The following PCDHA3 variants were observed in gnomAD, a reference collection of about 807,000 sequenced individuals.
The protein encoded by PCDHA3 is protocadherin alpha 3.
A neutral mutation model predicts 62.2 loss-of-function variants in PCDHA3; 41 were observed. The ratio of observed to expected loss-of-function variants is 0.66; its 90% CI spans 0.51 to 0.86. The LOEUF is 0.86. Ranked by LOEUF, PCDHA3 falls within the 40% of genes least tolerant of loss-of-function variation. PCDHA3 has a pLI of 0.00. For missense variants in PCDHA3, 1,304 were observed against 1,241.2 expected (o/e 1.05, Z -0.76); for synonymous variants, 640 against 555.4 (o/e 1.15, Z -2.14).
At chr5:140,998,055 T>C (rs2097794971) in intron 3 of PCDHA3, among the ~76,000 whole-genome samples, 1 of 152,190 alleles carries the variant, frequency 6.6e-6, no homozygotes, top group Non-Finnish European at 1.5e-5. Flanking sequence ...AGTGACATCA[T>C]CATCAACAGA....
chr5:140,998,594 T>A (rs1396456161), intron 3 of PCDHA3, among the ~76,000 whole-genome samples: 4 of 152,076 alleles, frequency 2.6e-5, no homozygotes, highest in Non-Finnish European at 5.9e-5. Context: ...GACAGAGTTT[T>A]GCTCTTGTTG....
chr5:140,980,412 A>G (rs1264059417), intron 2 of PCDHA3, among the ~76,000 whole-genome samples: 4 of 152,302 alleles, frequency 2.6e-5, no homozygotes, highest in Non-Finnish European at 5.9e-5. Flanking sequence ...TGGGCAGATC[A>G]TGAGGTCAAG....
chr5:140,822,270 A>C (rs2150115049), intron 1 of PCDHA3: 1 of 1,614,138 alleles, frequency 6.2e-7, no homozygotes, highest in Non-Finnish European at 8.5e-7. Flanking sequence ...GAGCAAATGC[A>C]CAATTGAGAT....
At chr5:140,843,896 T>C in intron 1 of PCDHA3, 2 of 663,756 alleles carry the variant, frequency 3.0e-6, no homozygotes, top group East Asian at 5.6e-5. Context: ...TATTAATCAT[T>C]CTCCACAAGT....
chr5:140,824,033 G>A, intron 1 of PCDHA3: 2 of 1,614,182 alleles, frequency 1.2e-6, no homozygotes, highest in Non-Finnish European at 1.7e-6. Context: ...TCGCAGCAGA[G>A]GAGACAGAGG....
chr5:140,970,018 C>G (rs1383957568), intron 1 of PCDHA3, among the ~76,000 whole-genome samples: 9 of 151,942 alleles, frequency 5.9e-5, no homozygotes, highest in African/African-American at 2.2e-4. Context: ...GATGGTGAGG[C>G]AGAGAGATTA....
intron 1 of PCDHA3, among the ~76,000 whole-genome samples, chr5:140,924,421 A>G (rs2081827627): frequency 6.6e-6 from 1 of 152,172 alleles, no homozygotes; most frequent in Non-Finnish European, 1.5e-5. Flanking sequence ...TGCCCTTTCT[A>G]GTTCCCTAGA....
chr5:140,828,007 A>G, intron 1 of PCDHA3: 1 of 1,504,268 alleles, frequency 6.6e-7, no homozygotes, highest in Non-Finnish European at 8.9e-7. Flanking sequence ...ACGCAGAAGA[A>G]ATGGATTAAT....
At chr5:140,828,851 A>T in intron 1 of PCDHA3, 1 of 1,614,240 alleles carries the variant, frequency 6.2e-7, no homozygotes, top group South Asian at 1.1e-5. Context: ...AATATTCGAA[A>T]ATGCAGACAA....
rs552832365 is a variant in PCDHA3, at chr5:140,928,668, T to C, written c.2395-50281T>C. ...TAGCAGAGGATGCTGACAGTGGTTC[T>C]AATGCCTGGCTTTCCTACCACATCT... is the stretch of plus-strand genomic sequence containing the variant. On this transcript the variant is annotated intron_variant, in intron 1 of 3. Transcript: ENST00000522353. The C allele has an allele frequency of 2.4e-4, 388 of 1,614,234 alleles. 3 individuals are homozygous for C. The South Asian group carries it at 4.0e-3, about 17-fold the overall frequency.
chr5:140,812,238 G>C (rs1418134307), intron 1 of PCDHA3: 1 of 151,646 alleles, frequency 6.6e-6, no homozygotes, highest in African/African-American at 2.4e-5. Context: ...TTATGTCTTG[G>C]TAGTTTGTAT....
At chr5:140,917,637 A>T (rs1257346290) in intron 1 of PCDHA3, among the ~76,000 whole-genome samples, 1 of 152,192 alleles carries the variant, frequency 6.6e-6, no homozygotes, top group Non-Finnish European at 1.5e-5. Context: ...TTAGCTAGTT[A>T]TCCCAGCAAT....
chr5:140,882,197 G>T, intron 1 of PCDHA3: 2 of 1,521,690 alleles, frequency 1.3e-6, no homozygotes, highest in Non-Finnish European at 1.8e-6. Flanking sequence ...CATAAAAATT[G>T]GGCCTTGAGA....
chr5:140,911,666 C>G (rs2075593137), intron 1 of PCDHA3, among the ~76,000 whole-genome samples: 1 of 152,168 alleles, frequency 6.6e-6, no homozygotes, highest in East Asian at 1.9e-4. Flanking sequence ...AACTCCTTGC[C>G]TCTCACGAAC....
chr5:140,941,214 C>CCCTTCTTTCTTTCTTTCTTTCTTT (rs2092871784), intron 1 of PCDHA3, among the ~76,000 whole-genome samples: 1 of 122,414 alleles, frequency 8.2e-6, no homozygotes, highest in Non-Finnish European at 1.7e-5. Flanking sequence ...TTTCTTTCTT[C>CCCTTCTTTCTTTCTTTCTTTCTTT]CTTTCTTTCT....
rs782258261 is a variant in PCDHA3 at position 140,808,474 on chromosome 5, C to CG, written c.2394+4888dup. 6 of 1,614,152 alleles carry CG rather than the reference C, an allele frequency of 3.7e-6. 1 individual carries two copies. In the Middle Eastern group the frequency reaches 1.0e-3, roughly 269 times the overall value. On this transcript the variant is annotated intron_variant, in intron 1 of 3. Transcript: ENST00000522353. ...ATGAGCTGGTGGTGACCGCGCGAGA[C>CG]GGGGGCTCGCCTTCGCTGTGGGCCA...
chr5:140,837,063 T>G, intron 1 of PCDHA3: 1 of 187,816 alleles, frequency 5.3e-6, no homozygotes, highest in South Asian at 1.4e-4. Flanking sequence ...TTCCATATTT[T>G]GATAATCAAT....
chr5:140,952,334 A>G (rs1585456390), intron 1 of PCDHA3, among the ~76,000 whole-genome samples: 1 of 103,312 alleles, frequency 9.7e-6, no homozygotes, highest in East Asian at 2.9e-4. Context: ...GTGAAACTCC[A>G]TCTCAAAAAA....
intron 1 of PCDHA3, chr5:140,809,670 A>G (rs1387118800): frequency 6.9e-7 from 1 of 1,443,610 alleles, no homozygotes; most frequent in Non-Finnish European, 9.3e-7. Flanking sequence ...CCTGGGTTAA[A>G]ATTTTACCTC....
Sources: allele counts gnomAD v4.1 joint callset (sites outside exome capture counted in the v4.1 genomes callset), GRCh38; gene constraint gnomAD v4.1.1; transcripts MANE v1.5; gene names NCBI Gene and HGNC (gene_info 2026-07-23, HGNC 2026-07-21).